Variants in SHISAL1 observed in about 807,000 individuals in gnomAD.
SHISAL1 encodes the protein shisa like 1.
Under a neutral mutation model 22.6 loss-of-function variants are expected in SHISAL1, and 9 were observed. That is an observed-to-expected ratio of 0.40 (90% confidence interval 0.24 to 0.70). The LOEUF (loss-of-function observed/expected upper bound fraction) is 0.70, where lower values mean the gene tolerates loss of function less well. Among genes scored for constraint, SHISAL1 ranks in the 30% least tolerant of loss-of-function variants. The pLI, the probability that SHISAL1 is intolerant of heterozygous loss-of-function variation, is 0.39. For missense variants in SHISAL1, 246 were observed against 270.6 expected (o/e 0.91, Z 0.64); for synonymous variants, 119 against 115.4 (o/e 1.03, Z -0.20).
At chr22:44,309,088 T>C (rs2055499479) in intron 1 of SHISAL1, among the ~76,000 whole-genome samples, 1 of 152,180 alleles carries the variant, frequency 6.6e-6, no homozygotes, top group African/African-American at 2.4e-5. Context: ...CTGGCTCAAG[T>C]GCCACCTCAT....
At chr22:44,287,812 C>G (rs2055326800) in intron 3 of SHISAL1, among the ~76,000 whole-genome samples, 1 of 152,150 alleles carries the variant, frequency 6.6e-6, no homozygotes, top group Admixed American at 6.5e-5. Context: ...TCAGGCCTGG[C>G]TCCAGTTCCC....
intron 4 of SHISAL1, among the ~76,000 whole-genome samples, chr22:44,284,901 T>TGCCTGCCTG (rs1555928208): frequency 7.7e-5 from 2 of 25,898 alleles, no homozygotes; most frequent in African/African-American, 1.2e-4. Context: ...CTTCCTGCCT[T>TGCCTGCCTG]CCTTCCTTCC....
intron 1 of SHISAL1, among the ~76,000 whole-genome samples, chr22:44,303,632 C>T (rs2055449057): frequency 6.6e-6 from 1 of 152,210 alleles, no homozygotes; most frequent in African/African-American, 2.4e-5. Flanking sequence ...CAGTAAATTC[C>T]TCTTGTTGAA....
chr22:44,264,200 G>A (rs2055146084), intron 4 of SHISAL1, among the ~76,000 whole-genome samples: 1 of 152,188 alleles, frequency 6.6e-6, no homozygotes, highest in Admixed American at 6.5e-5. Context: ...GTGGACCCAT[G>A]GGATTGCCCA....
intron 4 of SHISAL1, among the ~76,000 whole-genome samples, chr22:44,266,218 CAGAA>C (rs1309367558): frequency 6.6e-6 from 1 of 152,180 alleles, no homozygotes; most frequent in Non-Finnish European, 1.5e-5. Flanking sequence ...GCTTGGCACA[CAGAA>C]AGCACTCAAG....
Position 44,300,868 on chromosome 22 carries a change from G to C in SHISAL1, c.67+11C>G, listed in dbSNP as rs374442199. ...TGCCGCCCCCGCCCCCAGCATCCAC[G>C]GAGGTTTTACCTGCAGAAAACAGCA... On this transcript the variant is annotated intron_variant, in intron 2 of 4. Coordinates refer to ENST00000381176, the MANE Select transcript of SHISAL1 (RefSeq NM_001099294.2). 3 of 1,611,774 alleles carry C rather than the reference G, an allele frequency of 1.9e-6. No individual in the cohort carries two copies. The highest frequency in any genetic ancestry group is 1.3e-5 in the African/African-American group (1 of 75,010).
At chr22:44,262,283 T>C (rs1466262447) in intron 4 of SHISAL1, among the ~76,000 whole-genome samples, 1 of 152,188 alleles carries the variant, frequency 6.6e-6, no homozygotes, top group Non-Finnish European at 1.5e-5. Flanking sequence ...ATGGCTGTCA[T>C]GGCACAAGAT....
chr22:44,268,599 T>C (rs2055182696), intron 4 of SHISAL1, among the ~76,000 whole-genome samples: 1 of 152,100 alleles, frequency 6.6e-6, no homozygotes, highest in African/African-American at 2.4e-5. Flanking sequence ...CCCAGAAGAC[T>C]CAGTCCAGTG....
Position 44,245,435 on chromosome 22 carries a change from T to C in SHISAL1, c.*4250A>G, listed in dbSNP as rs16991707. On this transcript the variant is annotated 3_prime_UTR_variant, in exon 5 of 5. Transcript: ENST00000381176. Reference sequence around the variant, plus strand: ...GTTCATGTTATGTTAATTTCAAACATGGGAGAAATCTGTAAATTCACTTCC... The same window carrying C: ...GTTCATGTTATGTTAATTTCAAACACGGGAGAAATCTGTAAATTCACTTCC... 0.12 allele frequency: 17,968 copies of C among 152,234 alleles called. 1,126 individuals carry two copies. The highest frequency in any genetic ancestry group is 0.17 in the African/African-American group (7,076 of 41,518). 9.4% of individuals were successfully genotyped at this position (152,234 alleles called of 1,614,324 possible).
chr22:44,269,602 ACG>A (rs1160308016), intron 4 of SHISAL1, among the ~76,000 whole-genome samples: 1 of 144,430 alleles, frequency 6.9e-6, no homozygotes, highest in South Asian at 2.2e-4. Flanking sequence ...ACACACACAC[ACG>A]CCACACAGAC....
At chr22:44,324,480 A>G in the SHISAL1 span, among the ~76,000 whole-genome samples, 2 of 152,228 alleles carry the variant, frequency 1.3e-5, no homozygotes, top group Non-Finnish European at 2.9e-5. Context: ...GGCTGCAACA[A>G]TGTCAACACA....
At chr22:44,317,835 C>T (rs115503641), upstream of SHISAL1, among the ~76,000 whole-genome samples, 74 of 152,362 alleles carry the variant, frequency 4.9e-4, no homozygotes, top group African/African-American at 1.7e-3. Context: ...TTGAATCCTT[C>T]TCTGCTTAGT....
chr22:44,271,895 G>A (rs1160363913), intron 4 of SHISAL1, among the ~76,000 whole-genome samples: 5 of 152,190 alleles, frequency 3.3e-5, no homozygotes, highest in Admixed American at 2.6e-4. Flanking sequence ...GCGTATTCAC[G>A]AGCCCCCAGA....
At chr22:44,268,364 T>C (rs1320521852) in intron 4 of SHISAL1, among the ~76,000 whole-genome samples, 1 of 152,218 alleles carries the variant, frequency 6.6e-6, no homozygotes, top group South Asian at 2.1e-4. Flanking sequence ...TTCAAATCCC[T>C]TCTTGCCCCT....
intron 4 of SHISAL1, among the ~76,000 whole-genome samples, chr22:44,252,628 TAAAA>T (rs11399241): frequency 1.1e-4 from 15 of 140,040 alleles, no homozygotes; most frequent in East Asian, 8.2e-4. Flanking sequence ...CACACTTGCT[TAAAA>T]AAAAAAAAAA....
chr22:44,293,546 C>T (rs964972094), intron 3 of SHISAL1, among the ~76,000 whole-genome samples: 4 of 152,130 alleles, frequency 2.6e-5, no homozygotes, highest in Non-Finnish European at 5.9e-5. Context: ...GTGGGATCTC[C>T]GCTCAGGGGG....
chr22:44,264,727 A>C (rs1377451901), intron 4 of SHISAL1, among the ~76,000 whole-genome samples: 1 of 151,824 alleles, frequency 6.6e-6, no homozygotes, highest in Non-Finnish European at 1.5e-5. Flanking sequence ...CACACACACA[A>C]GAGCCCCAGC....
At chr22:44,322,494 C>T in the SHISAL1 span, among the ~76,000 whole-genome samples, 2 of 152,252 alleles carry the variant, frequency 1.3e-5, no homozygotes, top group South Asian at 2.1e-4. Flanking sequence ...TGCTCCCTGT[C>T]ACCCACTGCA....
At chr22:44,319,322 T>C in the SHISAL1 span, among the ~76,000 whole-genome samples, 1 of 152,224 alleles carries the variant, frequency 6.6e-6, no homozygotes, top group Non-Finnish European at 1.5e-5. Flanking sequence ...CTGCCGAAGA[T>C]CACACAGCTG....
Sources: gnomAD v4.1 joint callset for allele counts (sites outside exome capture counted in the v4.1 genomes callset) on GRCh38, gnomAD v4.1.1 for gene constraint, MANE v1.5 for transcripts, NCBI Gene and HGNC (gene_info 2026-07-23, HGNC 2026-07-21) for gene names.